Variants in LYST observed in about 807,000 individuals in gnomAD.
LYST encodes lysosomal-trafficking regulator.
A neutral mutation model predicts 413.6 loss-of-function variants in LYST; 192 were observed. That is an observed-to-expected ratio of 0.46 (90% CI 0.41 to 0.52). The LOEUF is 0.52. Among genes scored for constraint, LYST ranks in the 20% least tolerant of loss-of-function variants. The pLI is 0.00. For missense variants in LYST, 3,815 were observed against 4,499.9 expected (o/e 0.85, Z 4.35); for synonymous variants, 1,525 against 1,567.3 (o/e 0.97, Z 0.64).
intron 48 of LYST, among the ~76,000 whole-genome samples, chr1:235,682,672 C>T (rs1320458428): frequency 6.6e-6 from 1 of 152,168 alleles, no homozygotes; most frequent in Non-Finnish European, 1.5e-5. Flanking sequence ...AATAAAGATA[C>T]TTGAGTCAAA....
chr1:235,793,980 G>A (rs567416274), intron 10 of LYST, among the ~76,000 whole-genome samples: 4 of 152,080 alleles, frequency 2.6e-5, no homozygotes, highest in African/African-American at 9.6e-5. Context: ...CTACAGGCAC[G>A]TGTCACCATG....
chr1:235,806,297 C>G lies in LYST; in HGVS notation c.2839G>C (p.Glu947Gln). 3 of 1,613,986 alleles carry G rather than the reference C, an allele frequency of 1.9e-6. No homozygotes were observed. In the South Asian group the frequency reaches 3.3e-5, roughly 18 times the overall value. The change falls in exon 6 of 53, where the codon GAG (glutamate) becomes CAG (glutamine). Residue 947 changes from glutamate to glutamine, a missense_variant. Physicochemically the swap from Glu to Gln is conservative, Grantham distance 29 (BLOSUM62 2). Coordinates refer to ENST00000389793, the MANE Select transcript of LYST (RefSeq NM_000081.4). ...LSHMLPCISL[E>Q]SLVLPSPEHM... ...TCAGGAGAAGGCAAGACAAGGCTCTCGAGAGATATACATGGCAGCATATGA... is the reference window on the plus strand; with the variant it reads ...TCAGGAGAAGGCAAGACAAGGCTCTGGAGAGATATACATGGCAGCATATGA...
In LYST at chr1:235,662,923, G is replaced by T; in HGVS notation, c.*17C>A. 1.4e-6 allele frequency: 2 copies of T among 1,383,598 alleles called. No individual in the cohort carries two copies. Among genetic ancestry groups the T allele is most frequent in the East Asian group, 2.3e-5 (1 of 43,844 alleles). The allele number at this position is 1,383,598 out of a possible 1,614,324, so 85.7% of individuals were successfully genotyped here. ...TTGGAGTTAAAGTGCTTTGGAGAAC[G>T]TGAAGTTCATTCGCATTCACCCGGC... On this transcript the variant is annotated 3_prime_UTR_variant, in exon 53 of 53. Coordinates refer to ENST00000389793, the MANE Select transcript of LYST (RefSeq NM_000081.4).
rs1436121636 is a variant in LYST, at chr1:235,667,604, C to T, written c.11039-2983G>A. The stretch of plus-strand genomic sequence containing the variant: ...CTGAGGATATCAAAATCCATGGATG[C>T]TCAAGTCCTTGATATAAAATGGTGT... On this transcript the variant is annotated intron_variant, in intron 50 of 52. Coordinates refer to ENST00000389793, the MANE Select transcript of LYST (RefSeq NM_000081.4). 2.0e-5 allele frequency among the ~76,000 whole-genome samples: 3 copies of T among 152,206 alleles called. No homozygotes were observed. In the South Asian group the frequency reaches 6.2e-4, roughly 32 times the overall value.
rs1571943099 is a variant in LYST, at chr1:235,662,865, C to T, written c.*75G>A. On this transcript the variant is annotated 3_prime_UTR_variant, in exon 53 of 53. Transcript: ENST00000389793. ...CAGTCATCCATTTCTTTAGGTTCAA[C>T]CTCCTAAAACTGGTGAAGTCAACAA... The T allele has an allele frequency of 1.2e-6, 1 of 847,200 alleles. No homozygotes were observed. Among genetic ancestry groups the T allele is most frequent in the Non-Finnish European group, 2.1e-6 (1 of 479,900 alleles). The allele number at this position is 847,200 out of a possible 1,614,324, so 52.5% of individuals were successfully genotyped here.
chr1:235,710,967 A>G (rs1226469152), intron 43 of LYST, among the ~76,000 whole-genome samples: 1 of 152,184 alleles, frequency 6.6e-6, no homozygotes, highest in African/African-American at 2.4e-5. Flanking sequence ...CTAAGGCTTC[A>G]TCTCCTGCCT....
upstream of LYST, among the ~76,000 whole-genome samples, chr1:235,869,480 A>AT (rs1274782452): frequency 6.6e-6 from 1 of 152,236 alleles, no homozygotes; most frequent in African/African-American, 2.4e-5. Context: ...TCAAAAAAAA[A>AT]AATAATAATT....
At chr1:235,850,879 A>G (rs571900218) in intron 1 of LYST, among the ~76,000 whole-genome samples, 2 of 152,128 alleles carry the variant, frequency 1.3e-5, no homozygotes, top group African/African-American at 2.4e-5. Context: ...AAAACAGTAG[A>G]TGTTGGCATG....
Position 235,674,381 on chromosome 1 carries a change from A to T in LYST, c.11038+2710T>A, listed in dbSNP as rs1333314955. ...TCCCTTTCACCCTGGCATTTCATCA[A>T]CCAAATAGAAAGAACAATCGTAAAA... On this transcript the variant is annotated intron_variant, in intron 50 of 52. Transcript: ENST00000389793. The surrounding 1 kb of genome is among the most constrained non-coding windows in gnomAD (Gnocchi z 4.1). Among the ~76,000 whole-genome samples the T allele has an allele frequency of 1.3e-5, 2 of 151,176 alleles. No individual in the cohort carries two copies. Among genetic ancestry groups the T allele is most frequent in the African/African-American group, 4.9e-5 (2 of 40,828 alleles).
intron 50 of LYST, among the ~76,000 whole-genome samples, chr1:235,673,756 G>C (rs1659159318): frequency 6.6e-6 from 1 of 152,168 alleles, no homozygotes; most frequent in South Asian, 2.1e-4. Flanking sequence ...CCTTCCCCAA[G>C]CCCATCCAAT....
chr1:235,741,993 T>A (rs1425967993), intron 30 of LYST, among the ~76,000 whole-genome samples: 1 of 152,188 alleles, frequency 6.6e-6, no homozygotes, highest in Non-Finnish European at 1.5e-5. Context: ...TTATGCTAAA[T>A]AAAATAAGCC....
intron 3 of LYST, chr1:235,829,325 A>G (rs1046189445): frequency 6.6e-6 from 1 of 152,192 alleles, no homozygotes; most frequent in African/African-American, 2.4e-5. Flanking sequence ...TAGTCTCCAT[A>G]TTTCCTCAAT....
intron 1 of LYST, among the ~76,000 whole-genome samples, chr1:235,855,090 A>G (rs1679010491): frequency 6.6e-6 from 1 of 152,152 alleles, no homozygotes; most frequent in South Asian, 2.1e-4. Flanking sequence ...TTGCTATGGA[A>G]ATTCCCATTA....
At chr1:235,853,707 C>G (rs1366334031) in intron 1 of LYST, among the ~76,000 whole-genome samples, 1 of 152,064 alleles carries the variant, frequency 6.6e-6, no homozygotes, top group East Asian at 1.9e-4. Context: ...GGGCGCTGAC[C>G]TAGGGAGGAG....
At chr1:235,868,352 T>G (rs776956627), upstream of LYST, among the ~76,000 whole-genome samples, 4 of 152,282 alleles carry the variant, frequency 2.6e-5, no homozygotes, top group Non-Finnish European at 5.9e-5. Flanking sequence ...GCTAGGTGCA[T>G]GGGCCTGAAC....
At chr1:235,696,245 G>A (rs1661092456) in intron 46 of LYST, among the ~76,000 whole-genome samples, 1 of 152,188 alleles carries the variant, frequency 6.6e-6, no homozygotes, top group South Asian at 2.1e-4. Context: ...AGTGACTGAT[G>A]TTTTCTCTGG....
intron 4 of LYST, among the ~76,000 whole-genome samples, chr1:235,811,616 A>G (rs1673457582): frequency 6.6e-6 from 1 of 152,152 alleles, no homozygotes; most frequent in Non-Finnish European, 1.5e-5. Context: ...AGATAATTAG[A>G]TCAGTCTTTC....
In LYST at chr1:235,845,468, C is replaced by T. The variant is rs987031135; in HGVS notation, c.-97-11801G>A. 4.6e-5 allele frequency among the ~76,000 whole-genome samples: 7 copies of T among 152,252 alleles called. 1 individual carries two copies. The South Asian group carries it at 1.0e-3, about 23-fold the overall frequency. On this transcript the variant is annotated intron_variant, in intron 1 of 52. Coordinates refer to ENST00000389793, the MANE Select transcript of LYST (RefSeq NM_000081.4). ...TAGCCTAACTTTCTAACAATTTGAA[C>T]GCGGTGAGAAGCCTGCTGGCCAGAA...
At chr1:235,706,094 C>A (rs1196302976) in intron 44 of LYST, among the ~76,000 whole-genome samples, 3 of 152,000 alleles carry the variant, frequency 2.0e-5, no homozygotes, top group African/African-American at 7.2e-5. Context: ...TGCCTGGCCT[C>A]CTAATTGCTT....
Sources: gnomAD v4.1 joint callset for allele counts (sites outside exome capture counted in the v4.1 genomes callset) on GRCh38, gnomAD v4.1.1 for gene constraint, Gnocchi (gnomAD v3.1) non-coding constraint, MANE v1.5 for transcripts, NCBI Gene and HGNC (gene_info 2026-07-23, HGNC 2026-07-21) for gene names.